The following SCUBE1 variants were observed in gnomAD, a reference collection of about 807,000 sequenced individuals.
The protein encoded by SCUBE1 is signal peptide, CUB domain and EGF like domain containing 1, also known as signal peptide, CUB and EGF-like domain-containing protein 1.
A neutral mutation model predicts 124.4 loss-of-function variants in SCUBE1; 59 were observed. That is an observed-to-expected ratio of 0.47 (90% confidence interval 0.38 to 0.59). The LOEUF is 0.59. Ranked by LOEUF, SCUBE1 falls within the 20% of genes least tolerant of loss-of-function variation. The pLI, the probability that SCUBE1 is intolerant of heterozygous loss-of-function variation, is 0.00. For synonymous variants in SCUBE1, 545 were observed against 550.9 expected (o/e 0.99, Z 0.15); for missense variants, 1,150 against 1,371.2 (o/e 0.84, Z 2.55).
Position 43,258,422 on chromosome 22 carries a change from T to A in SCUBE1, c.611-87A>T, listed in dbSNP as rs369869382. 1 of 996,456 alleles carries A rather than the reference T, an allele frequency of 1.0e-6. No homozygotes were observed. The highest frequency in any genetic ancestry group is 1.6e-6 in the Non-Finnish European group (1 of 623,684). The allele number at this position is 996,456 out of a possible 1,614,324, so 61.7% of individuals were successfully genotyped here. On this transcript the variant is annotated intron_variant, in intron 5 of 21. Transcript: ENST00000360835. The surrounding 1 kb of genome is among the most constrained non-coding windows in gnomAD (Gnocchi z 5.0). ...CCGGTGTTGGCGGCTGCCTTCAGGG[T>A]ATGGGGAAACTGAGGCCTAAGGGCA...
chr22:43,322,240 C>T (rs973007911), intron 2 of SCUBE1, among the ~76,000 whole-genome samples: 5 of 152,164 alleles, frequency 3.3e-5, no homozygotes, highest in African/African-American at 1.2e-4. Flanking sequence ...ACCTTGGCCT[C>T]CCAAAGTGCT....
At position 43,234,126 on chromosome 22, in the gene SCUBE1, C is replaced by G. The variant is rs541867494; in HGVS notation, c.845-2251G>C. ...CAGCTGTGCTGGTCCAGGGCGGAGG[C>G]TTAGGAATCTCTATCATTCCTTCCC... is the stretch of plus-strand genomic sequence containing the variant. On this transcript the variant is annotated intron_variant, in intron 7 of 21. Transcript: ENST00000360835. The surrounding 1 kb of genome is among the most constrained non-coding windows in gnomAD (Gnocchi z 4.4). Among the ~76,000 whole-genome samples, 6 of 152,054 alleles carry G rather than the reference C, an allele frequency of 3.9e-5. No individual in the cohort carries two copies. The highest frequency in any genetic ancestry group is 1.4e-4 in the African/African-American group (6 of 41,512).
rs115910824 is a variant in SCUBE1 at position 43,253,867 on chromosome 22, C to T, written c.727+4352G>A. ...AGCTCTGGCCTCAGACAGTAGTGCC[C>T]GCTTCTTGTAAGTGAGACCGAGGGC... On this transcript the variant is annotated intron_variant, in intron 6 of 21. Coordinates refer to ENST00000360835, the MANE Select transcript of SCUBE1 (RefSeq NM_173050.5). Among the ~76,000 whole-genome samples, 1,363 of 147,250 alleles carry T rather than the reference C, an allele frequency of 9.3e-3. 22 individuals carry two copies. The highest frequency in any genetic ancestry group is 0.035 in the African/African-American group (1,316 of 37,600).
rs1274890347 is a variant in SCUBE1, at chr22:43,201,269, A to T, written c.*2728T>A. The T allele has an allele frequency of 7.7e-6, 1 of 130,082 alleles. No individual in the cohort carries two copies. The highest frequency in any genetic ancestry group is 2.5e-4 in the South Asian group (1 of 4,020). 8.1% of individuals were successfully genotyped at this position (130,082 alleles called of 1,614,324 possible). A position where few individuals can be genotyped will look rare whatever the true frequency, so the allele number is the denominator to read the frequency against. Reference sequence around the variant, plus strand: ...CAGTGAACCAAGATCGCGCCACTGCACTCCAGCCTGGGTGACAGAGCGAGA... The same window carrying T: ...CAGTGAACCAAGATCGCGCCACTGCTCTCCAGCCTGGGTGACAGAGCGAGA... On this transcript the variant is annotated 3_prime_UTR_variant, in exon 22 of 22. Coordinates refer to ENST00000360835, the MANE Select transcript of SCUBE1 (RefSeq NM_173050.5).
intron 4 of SCUBE1, among the ~76,000 whole-genome samples, chr22:43,266,204 G>A (rs919218659): frequency 2.6e-5 from 4 of 152,104 alleles, no homozygotes; most frequent in African/African-American, 4.8e-5. Flanking sequence ...AGTCAGGCCC[G>A]CGCGAGCCAG....
At chr22:43,253,720 C>G (rs950261850) in intron 6 of SCUBE1, among the ~76,000 whole-genome samples, 3 of 124,992 alleles carry the variant, frequency 2.4e-5, no homozygotes, top group Non-Finnish European at 4.7e-5. Flanking sequence ...CCTCCTCCCC[C>G]CGCCTGCACC....
chr22:43,284,000 C>T (rs1374143225), intron 4 of SCUBE1, among the ~76,000 whole-genome samples: 1 of 152,186 alleles, frequency 6.6e-6, no homozygotes. Flanking sequence ...GCAATGGCTC[C>T]CATGAGGCCG....
chr22:43,270,091 G>T (rs548835268), intron 4 of SCUBE1: 6 of 152,168 alleles, frequency 3.9e-5, no homozygotes. Context: ...AGCTTTTTGG[G>T]CATTGACATG....
intron 10 of SCUBE1, among the ~76,000 whole-genome samples, chr22:43,225,964 A>C (rs1025179556): frequency 2.0e-5 from 3 of 152,244 alleles, no homozygotes; most frequent in Non-Finnish European, 2.9e-5. Flanking sequence ...GAAGAGCAGC[A>C]GTTGACTTTG....
chr22:43,259,264 C>T (rs1429862606), intron 5 of SCUBE1, among the ~76,000 whole-genome samples: 9 of 152,188 alleles, frequency 5.9e-5, no homozygotes, highest in East Asian at 1.9e-4. Context: ...GCTGCACGCC[C>T]ATCATCCGAA....
At chr22:43,221,433 G>C (rs1601806976) in intron 12 of SCUBE1, 144 bp from the exon 13 acceptor site, 1 of 641,122 alleles carries the variant, frequency 1.6e-6, no homozygotes, top group South Asian at 1.8e-5. Context: ...AGCTCTCCTG[G>C]GGTGGGGGAC....
At position 43,255,225 on chromosome 22, in the gene SCUBE1, T is replaced by C. The variant is rs1439911767; in HGVS notation, c.727+2994A>G. On this transcript the variant is annotated intron_variant, in intron 6 of 21. Transcript: ENST00000360835. The surrounding 1 kb of genome is among the most constrained non-coding windows in gnomAD (Gnocchi z 4.7). ...TACAAACACACAAACAACGAACAAA[T>C]GTGTTTGATGGAGGGTAAAAACTTT... Among the ~76,000 whole-genome samples, 2 of 152,118 alleles carry C rather than the reference T, an allele frequency of 1.3e-5. No individual in the cohort carries two copies. The highest frequency in any genetic ancestry group is 2.9e-5 in the Non-Finnish European group (2 of 68,018).
chr22:43,255,722 A>C lies in SCUBE1; in HGVS notation c.727+2497T>G. The stretch of plus-strand genomic sequence containing the variant: ...GCTCGGCATCCTCGCCAAGGGGCTA[A>C]TCCCAGGAACCTCCAAGGTGGGGGT... On this transcript the variant is annotated intron_variant, in intron 6 of 21. Coordinates refer to ENST00000360835, the MANE Select transcript of SCUBE1 (RefSeq NM_173050.5). The surrounding 1 kb of genome is among the most constrained non-coding windows in gnomAD (Gnocchi z 4.7). 1 of 711,058 alleles carries C rather than the reference A, an allele frequency of 1.4e-6. No individual in the cohort carries two copies. The highest frequency in any genetic ancestry group is 2.4e-6 in the Non-Finnish European group (1 of 414,216). 44.0% of individuals were successfully genotyped at this position (711,058 alleles called of 1,614,324 possible). A position where few individuals can be genotyped will look rare whatever the true frequency, so the allele number is the denominator to read the frequency against.
At chr22:43,304,487 A>G (rs188320870) in intron 3 of SCUBE1, among the ~76,000 whole-genome samples, 18 of 152,044 alleles carry the variant, frequency 1.2e-4, no homozygotes, top group Admixed American at 2.0e-4. Flanking sequence ...TGCTGTGAGA[A>G]GCAGGAACAG....
At chr22:43,274,827 G>A (rs1187348392) in intron 4 of SCUBE1, among the ~76,000 whole-genome samples, 5 of 152,302 alleles carry the variant, frequency 3.3e-5, no homozygotes, top group Middle Eastern at 3.4e-3. Flanking sequence ...AAGCAGTGGC[G>A]CTCACTTCCT....
chr22:43,313,616 T>C (rs960998574), intron 3 of SCUBE1, among the ~76,000 whole-genome samples: 1 of 152,226 alleles, frequency 6.6e-6, no homozygotes, highest in Admixed American at 6.5e-5. Context: ...AAGCAGCCAT[T>C]TGGGGTTGAG....
At position 43,212,660 on chromosome 22, in the gene SCUBE1, C is replaced by G. The variant is rs374801615; in HGVS notation, c.2054-68G>C. On this transcript the variant is annotated intron_variant, in intron 16 of 21. Coordinates refer to ENST00000360835, the MANE Select transcript of SCUBE1 (RefSeq NM_173050.5). ...GCAGGGCCGAGGCTGTGGGTGGTCT[C>G]AGGCCCCGCTCTTGGCCCTTGCCCG... 21 of 1,498,104 alleles carry G rather than the reference C, an allele frequency of 1.4e-5. No individual in the cohort carries two copies. In the East Asian group the frequency reaches 4.0e-4, roughly 28 times the overall value. The allele number at this position is 1,498,104 out of a possible 1,614,324, so 92.8% of individuals were successfully genotyped here.
chr22:43,265,573 A>G (rs1317329997), intron 4 of SCUBE1, among the ~76,000 whole-genome samples: 1 of 152,092 alleles, frequency 6.6e-6, no homozygotes, highest in African/African-American at 2.4e-5. Context: ...GCTGCCTCTC[A>G]CCCAGCATCC....
At chr22:43,205,925 C>A (rs535925721) in intron 21 of SCUBE1, among the ~76,000 whole-genome samples, 98 of 126,790 alleles carry the variant, frequency 7.7e-4, no homozygotes, top group Non-Finnish European at 4.9e-4. Context: ...TCACCACACA[C>A]ACCCCTATAT....
Sources: allele counts gnomAD v4.1 joint callset (sites outside exome capture counted in the v4.1 genomes callset), GRCh38; gene constraint gnomAD v4.1.1; non-coding constraint Gnocchi (gnomAD v3.1); transcripts MANE v1.5; gene names NCBI Gene and HGNC (gene_info 2026-07-23, HGNC 2026-07-21).